Variants in PNLIP observed in about 807,000 individuals in gnomAD.
PNLIP encodes pancreatic triacylglycerol lipase.
Under a neutral mutation model 57.1 loss-of-function variants are expected in PNLIP, and 49 were observed. The observed-to-expected ratio is 0.86, with a 90% CI of 0.68 to 1.09. PNLIP has a LOEUF of 1.09. Ranked by LOEUF, PNLIP falls within the 50% of genes least tolerant of loss-of-function variation. PNLIP has a pLI of 0.00. For missense variants in PNLIP, 503 were observed against 570.2 expected (o/e 0.88, Z 1.20); for synonymous variants, 209 against 200.4 (o/e 1.04, Z -0.36).
In PNLIP at chr10:116,559,136, T is replaced by C; in HGVS notation, c.931-18T>C. 1 of 1,601,480 alleles carries C rather than the reference T, an allele frequency of 6.2e-7. No individual in the cohort carries two copies. The highest frequency in any genetic ancestry group is 8.5e-7 in the Non-Finnish European group (1 of 1,176,286). On this transcript the variant is annotated intron_variant, in intron 9 of 12. Transcript: ENST00000369221. ...AAAGATAGGGCATCCTCATTCATCA[T>C]TTGTTTGTTTTCACTAGAACAAGTG... is the stretch of plus-strand genomic sequence containing the variant.
chr10:116,550,643 C>A (rs779414333), intron 4 of PNLIP, among the ~76,000 whole-genome samples: 8 of 152,150 alleles, frequency 5.3e-5, no homozygotes, highest in Non-Finnish European at 1.0e-4. Context: ...GTCTTTCATT[C>A]ATTCATTAAA....
At chr10:116,561,903 TG>T (rs1847319323) in intron 12 of PNLIP, among the ~76,000 whole-genome samples, 3 of 152,354 alleles carry the variant, frequency 2.0e-5, no homozygotes, top group African/African-American at 7.2e-5. Context: ...GTGAGAGGAA[TG>T]TTTCCTTTGG....
intron 12 of PNLIP, among the ~76,000 whole-genome samples, chr10:116,563,295 A>C (rs1847333251): frequency 6.6e-6 from 1 of 152,230 alleles, no homozygotes; most frequent in South Asian, 2.1e-4. Context: ...AAAAAAATCC[A>C]AAATCTGAAA....
intron 12 of PNLIP, among the ~76,000 whole-genome samples, chr10:116,565,091 A>G (rs1014081993): frequency 6.6e-6 from 1 of 151,832 alleles, no homozygotes; most frequent in Non-Finnish European, 1.5e-5. Flanking sequence ...CCCCGTCTCT[A>G]CTAAATACAC....
chr10:116,549,706 T>C (rs1243521808), intron 4 of PNLIP, among the ~76,000 whole-genome samples: 4 of 152,140 alleles, frequency 2.6e-5, no homozygotes, highest in African/African-American at 7.2e-5. Context: ...GGAGGGAGGG[T>C]AATAATAGAT....
At chr10:116,548,611 C>T in intron 4 of PNLIP, 129 bp downstream of exon 4, 1 of 1,031,614 alleles carries the variant, frequency 9.7e-7, no homozygotes, top group South Asian at 1.7e-5. Flanking sequence ...CCTGCTGGGC[C>T]TGGAGTTCCT....
chr10:116,546,435 G>T (rs974800517), intron 2 of PNLIP, among the ~76,000 whole-genome samples: 8 of 152,074 alleles, frequency 5.3e-5, no homozygotes, highest in Non-Finnish European at 7.4e-5. Flanking sequence ...CTTGTATTTT[G>T]ATTTGCTAAA....
rs1466361729 is a variant in PNLIP at position 116,546,153 on chromosome 10, A to C, written c.46+15A>C. The C allele has an allele frequency of 6.2e-7, 1 of 1,611,468 alleles. No individual in the cohort carries two copies. The highest frequency in any genetic ancestry group is 8.5e-7 in the Non-Finnish European group (1 of 1,177,592). On this transcript the variant is annotated intron_variant, in intron 2 of 12. Transcript: ENST00000369221. The stretch of plus-strand genomic sequence containing the variant: ...AGCAGTAGCAGGTAAGAAAACAAAT[A>C]AATGTTGAGCTGGGAGAGATTCACT...
At chr10:116,549,932 A>G (rs1458012939) in intron 4 of PNLIP, among the ~76,000 whole-genome samples, 3 of 152,088 alleles carry the variant, frequency 2.0e-5, no homozygotes, top group Non-Finnish European at 4.4e-5. Flanking sequence ...TCTACAGTCC[A>G]GTCCTGACTC....
chr10:116,558,752 G>A (rs1847282948), intron 9 of PNLIP, among the ~76,000 whole-genome samples: 1 of 151,714 alleles, frequency 6.6e-6, no homozygotes, highest in Admixed American at 6.6e-5. Flanking sequence ...AGCCTCCAGA[G>A]TAGCTAGGAT....
intron 4 of PNLIP, among the ~76,000 whole-genome samples, chr10:116,550,226 T>C (rs1261256245): frequency 6.6e-6 from 1 of 151,750 alleles, no homozygotes; most frequent in Non-Finnish European, 1.5e-5. Flanking sequence ...GCCCGGCTAA[T>C]TTTTTGTACT....
intron 4 of PNLIP, among the ~76,000 whole-genome samples, chr10:116,550,222 C>A (rs1847176263): frequency 6.6e-6 from 1 of 151,642 alleles, no homozygotes; most frequent in Non-Finnish European, 1.5e-5. Context: ...CCAGGCCCGG[C>A]TAATTTTTTG....
At chr10:116,561,187 G>A (rs908275083) in intron 11 of PNLIP, among the ~76,000 whole-genome samples, 7 of 152,258 alleles carry the variant, frequency 4.6e-5, no homozygotes, top group Admixed American at 2.6e-4. Flanking sequence ...AATTGTGGGG[G>A]AATGGTGACT....
intron 12 of PNLIP, among the ~76,000 whole-genome samples, chr10:116,565,100 A>G (rs1847350714): frequency 6.6e-6 from 1 of 151,984 alleles, no homozygotes; most frequent in Admixed American, 6.5e-5. Flanking sequence ...TACTAAATAC[A>G]CGACGCAGGC....
intron 5 of PNLIP, among the ~76,000 whole-genome samples, chr10:116,552,496 T>C (rs1317652069): frequency 6.6e-6 from 1 of 152,168 alleles, no homozygotes; most frequent in East Asian, 1.9e-4. Flanking sequence ...ATAAAAATGG[T>C]TATAGAATCA....
intron 11 of PNLIP, among the ~76,000 whole-genome samples, chr10:116,560,792 G>T (rs1847307650): frequency 1.3e-5 from 2 of 151,894 alleles, no homozygotes; most frequent in African/African-American, 4.8e-5. Flanking sequence ...TGGCCAGGCT[G>T]GTCTCAAACT....
chr10:116,561,797 G>C (rs1438645938), intron 12 of PNLIP, among the ~76,000 whole-genome samples, 161 bp downstream of exon 12: 1 of 152,188 alleles, frequency 6.6e-6, no homozygotes, highest in Non-Finnish European at 1.5e-5. Flanking sequence ...GAAAAGGGTA[G>C]AACTTTAGGA....
chr10:116,565,313 C>G lies in PNLIP; in HGVS notation c.1335-2422C>G, dbSNP rs190362186. Among the ~76,000 whole-genome samples, 252 of 122,074 alleles carry G rather than the reference C, an allele frequency of 2.1e-3. 2 individuals are homozygous for G. Among genetic ancestry groups the G allele is most frequent in the Non-Finnish European group, 2.1e-4 (12 of 56,582 alleles). 80.1% of individuals were successfully genotyped at this position (122,074 alleles called of 152,430 possible). ...AAGAATATAGGAGACAAATGGAAAA[C>G]AAATAGAAGACAATAGACTCATATC... On this transcript the variant is annotated intron_variant, in intron 12 of 12. Coordinates refer to ENST00000369221, the MANE Select transcript of PNLIP (RefSeq NM_000936.4).
intron 12 of PNLIP, among the ~76,000 whole-genome samples, chr10:116,562,658 G>A (rs2133208363): frequency 6.6e-6 from 1 of 152,304 alleles, no homozygotes; most frequent in East Asian, 1.9e-4. Flanking sequence ...ATTCATCAAG[G>A]TACTGATTGA....
Sources: allele counts gnomAD v4.1 joint callset (sites outside exome capture counted in the v4.1 genomes callset), GRCh38; gene constraint gnomAD v4.1.1; transcripts MANE v1.5; gene names NCBI Gene and HGNC (gene_info 2026-07-23, HGNC 2026-07-21).